Variants in MYT1L observed in about 807,000 individuals in gnomAD.
MYT1L encodes myelin transcription factor 1 like.
Under a neutral mutation model 126.7 loss-of-function variants are expected in MYT1L, and 12 were observed. The ratio of observed to expected loss-of-function variants is 0.09; its 90% CI spans 0.06 to 0.15. The LOEUF (loss-of-function observed/expected upper bound fraction) is 0.15, where lower values mean the gene tolerates loss of function less well. Ranked by LOEUF, MYT1L falls within the 10% of genes least tolerant of loss-of-function variation. The pLI is 1.00. For synonymous variants in MYT1L, 541 were observed against 604.2 expected (o/e 0.90, Z 1.53); for missense variants, 979 against 1,585.2 (o/e 0.62, Z 6.49).
chr2:1,873,994 A>G (rs182267847), intron 18 of MYT1L, among the ~76,000 whole-genome samples: 80 of 152,156 alleles, frequency 5.3e-4, no homozygotes, highest in Admixed American at 3.5e-3. Context: ...ACTGGATTCT[A>G]TGGGACAGGG....
intron 3 of MYT1L, among the ~76,000 whole-genome samples, chr2:2,070,566 C>T (rs997072656): frequency 2.6e-5 from 4 of 152,172 alleles, no homozygotes; most frequent in Admixed American, 1.3e-4. Context: ...ATTCGCTTTA[C>T]CCTGATGAGC....
rs749557195 is a variant in MYT1L at position 1,809,087 on chromosome 2, C to T, written c.3161G>A (p.Arg1054Gln). ...SGEQMLTIKQRASNGIENDEE... is the reference protein window; with the variant it reads ...SGEQMLTIKQQASNGIENDEE... ...GGAGGGGTGCTCACCGTTGCTGGCC[C>T]GCTGTTTGATGGTCAGCATCTGCTC... The change falls in exon 22 of 25, where the codon CGG becomes CAG. Residue 1054 changes from arginine to glutamine, a missense_variant. Physicochemically the swap from Arg to Gln is conservative, Grantham distance 43 (BLOSUM62 1). Coordinates refer to ENST00000647738, the MANE Select transcript of MYT1L (RefSeq NM_001303052.2). 32 of 1,613,808 alleles carry T rather than the reference C, an allele frequency of 2.0e-5. No homozygotes were observed. Among genetic ancestry groups the T allele is most frequent in the Non-Finnish European group, 2.5e-5 (30 of 1,179,874 alleles).
intron 4 of MYT1L, among the ~76,000 whole-genome samples, chr2:2,038,432 C>T (rs1033902888): frequency 6.6e-6 from 1 of 152,154 alleles, no homozygotes; most frequent in Non-Finnish European, 1.5e-5. Context: ...CCTGACTTCT[C>T]CTTCCTGCCA....
intron 11 of MYT1L, among the ~76,000 whole-genome samples, chr2:1,914,908 T>A (rs1472496534): frequency 6.6e-6 from 1 of 152,228 alleles, no homozygotes; most frequent in Non-Finnish European, 1.5e-5. Context: ...TGCTGTGGGT[T>A]CCTCGCCTCT....
chr2:2,287,966 G>T (rs2095546775), intron 1 of MYT1L, among the ~76,000 whole-genome samples: 1 of 152,010 alleles, frequency 6.6e-6, no homozygotes, highest in Non-Finnish European at 1.5e-5. Flanking sequence ...TCTCTGGTGG[G>T]GTACACACAT....
chr2:2,330,895 C>A (rs2096280585), intron 1 of MYT1L, 72 bp downstream of exon 1: 1 of 152,068 alleles, frequency 6.6e-6, no homozygotes, highest in African/African-American at 2.4e-5. Context: ...GCAGCCTCAG[C>A]CCTTGAGCTA....
chr2:2,312,254 T>A (rs1008129465), intron 1 of MYT1L, among the ~76,000 whole-genome samples: 2 of 152,178 alleles, frequency 1.3e-5, no homozygotes, highest in Admixed American at 1.3e-4. Flanking sequence ...GATGAGGTTG[T>A]TTCCTTTCCT....
chr2:2,164,156 A>G (rs1347534124), intron 3 of MYT1L, among the ~76,000 whole-genome samples: 2 of 152,202 alleles, frequency 1.3e-5, no homozygotes, highest in Non-Finnish European at 1.5e-5. Context: ...GTGATGCAGT[A>G]AAGCTGTTGG....
chr2:2,143,307 A>G (rs2084327378), intron 3 of MYT1L, among the ~76,000 whole-genome samples: 1 of 151,738 alleles, frequency 6.6e-6, no homozygotes. Context: ...AAAAAAAAAA[A>G]AAGTTGTAGA....
intron 2 of MYT1L, among the ~76,000 whole-genome samples, chr2:2,205,614 C>T (rs1295921575): frequency 6.6e-6 from 1 of 152,166 alleles, no homozygotes; most frequent in Non-Finnish European, 1.5e-5. Flanking sequence ...TCCCTCTCTC[C>T]ACTGCTGCCA....
At chr2:2,129,728 A>T (rs537695415) in intron 3 of MYT1L, among the ~76,000 whole-genome samples, 12 of 152,178 alleles carry the variant, frequency 7.9e-5, no homozygotes, top group South Asian at 2.1e-4. Flanking sequence ...AACACGGTGA[A>T]ACCCCATCTC....
At chr2:1,950,079 C>A (rs1437037752) in intron 8 of MYT1L, among the ~76,000 whole-genome samples, 1 of 152,050 alleles carries the variant, frequency 6.6e-6, no homozygotes, top group Non-Finnish European at 1.5e-5. Context: ...ATTCATTAAA[C>A]CCTCTCGGTG....
chr2:2,286,596 T>C (rs1573184351), intron 1 of MYT1L, among the ~76,000 whole-genome samples: 1 of 152,320 alleles, frequency 6.6e-6, no homozygotes, highest in East Asian at 1.9e-4. Flanking sequence ...GGATAATAAA[T>C]TTAGTTTCTA....
chr2:2,146,608 C>A (rs1405270972), intron 3 of MYT1L, among the ~76,000 whole-genome samples: 2 of 152,162 alleles, frequency 1.3e-5, no homozygotes, highest in African/African-American at 4.8e-5. Flanking sequence ...TCCCCTGTGT[C>A]CAAAGGAGGG....
intron 3 of MYT1L, among the ~76,000 whole-genome samples, chr2:2,071,782 C>T (rs556591025): frequency 1.3e-5 from 2 of 152,196 alleles, no homozygotes; most frequent in South Asian, 2.1e-4. Flanking sequence ...AGGGGAATGA[C>T]GTCTAGAAGA....
At chr2:2,255,772 A>G (rs900558983) in intron 2 of MYT1L, among the ~76,000 whole-genome samples, 1 of 152,124 alleles carries the variant, frequency 6.6e-6, no homozygotes. Context: ...CTGTTGTGAA[A>G]CAAAGCAAGC....
At chr2:2,030,673 G>C (rs1224348973) in intron 4 of MYT1L, among the ~76,000 whole-genome samples, 1 of 152,150 alleles carries the variant, frequency 6.6e-6, no homozygotes, top group African/African-American at 2.4e-5. Context: ...AATTATGAAA[G>C]AGTGACAAAT....
rs150612152 is a variant in MYT1L at position 1,871,710 on chromosome 2, C to T, written c.2711+14829G>A. Among the ~76,000 whole-genome samples, 173 of 152,272 alleles carry T rather than the reference C, an allele frequency of 1.1e-3. 1 individual carries two copies. The highest frequency in any genetic ancestry group is 4.0e-3 in the African/African-American group (168 of 41,578). On this transcript the variant is annotated intron_variant, in intron 18 of 24. Transcript: ENST00000647738. The stretch of plus-strand genomic sequence containing the variant: ...CCTCAGTCCTCAGCCTCTTCAGGGC[C>T]TGGCACAATAAGAATGGCTTAAACA...
chr2:1,991,751 A>G (rs948214737), intron 5 of MYT1L, among the ~76,000 whole-genome samples: 2 of 151,990 alleles, frequency 1.3e-5, no homozygotes, highest in African/African-American at 4.8e-5. Context: ...CCTGTTGGCT[A>G]TCACTTTTAA....
Sources: gnomAD v4.1 joint callset for allele counts (sites outside exome capture counted in the v4.1 genomes callset) on GRCh38, gnomAD v4.1.1 for gene constraint, MANE v1.5 for transcripts, NCBI Gene and HGNC (gene_info 2026-07-23, HGNC 2026-07-21) for gene names.